The following OR14A2 variants were observed in gnomAD, a reference collection of about 807,000 sequenced individuals.
OR14A2 encodes the protein olfactory receptor 14A2.
For missense variants in OR14A2, 237 were observed against 152.9 expected (o/e 1.55, Z -2.90); for synonymous variants, 114 against 58.6 (o/e 1.95, Z -4.32).
the OR14A2 span, among the ~76,000 whole-genome samples, chr1:247,739,822 G>A: frequency 6.6e-6 from 1 of 151,882 alleles, no homozygotes; most frequent in Non-Finnish European, 1.5e-5. Context: ...CAATTATCAT[G>A]TCTCGGCTTC....
At chr1:247,743,991 G>A in the OR14A2 span, among the ~76,000 whole-genome samples, 1 of 151,832 alleles carries the variant, frequency 6.6e-6, no homozygotes, top group Non-Finnish European at 1.5e-5. Flanking sequence ...TTTTGCACCC[G>A]GGGTAAAGTA....
At chr1:247,735,484 T>C in the OR14A2 span, among the ~76,000 whole-genome samples, 23 of 152,162 alleles carry the variant, frequency 1.5e-4, no homozygotes, top group Admixed American at 1.5e-3. Context: ...TCTGACTCAC[T>C]GGAGGAAAAG....
At chr1:247,727,186 G>C (rs577028127), upstream of OR14A2, among the ~76,000 whole-genome samples, 19 of 148,502 alleles carry the variant, frequency 1.3e-4, no homozygotes, top group Admixed American at 4.0e-4. Context: ...TCTTCCATTT[G>C]TTTGTATCCT....
chr1:247,745,955 T>C, the OR14A2 span, among the ~76,000 whole-genome samples: 9 of 152,196 alleles, frequency 5.9e-5, no homozygotes, highest in African/African-American at 1.9e-4. Flanking sequence ...TGGTCGTTAA[T>C]TGGGTTCTAC....
At chr1:247,729,022 T>C (rs1040177938), upstream of OR14A2, among the ~76,000 whole-genome samples, 1 of 152,118 alleles carries the variant, frequency 6.6e-6, no homozygotes, top group Non-Finnish European at 1.5e-5. Context: ...CATGGAAGGA[T>C]GCATACTACC....
the OR14A2 span, among the ~76,000 whole-genome samples, chr1:247,736,148 G>GCCTTTGTTATGAATGTTGCTTCTGTT: frequency 1.4e-5 from 2 of 141,370 alleles, no homozygotes; most frequent in African/African-American, 5.4e-5. Context: ...ACTCCATATA[G>GCCTTTGTTATGAATGTTGCTTCTGTT]GCCTCCCCTC....
the OR14A2 span, chr1:247,739,533 AG>A: frequency 1.4e-5 from 11 of 779,746 alleles, no homozygotes; most frequent in Non-Finnish European, 1.9e-5. Flanking sequence ...GTGGAATGTT[AG>A]AAGCAGTGGG....
the OR14A2 span, among the ~76,000 whole-genome samples, chr1:247,741,246 T>C: frequency 2.0e-5 from 3 of 152,338 alleles, no homozygotes; most frequent in Non-Finnish European, 4.4e-5. Context: ...TTTTTAAAAT[T>C]TGTTTAACAC....
the OR14A2 span, among the ~76,000 whole-genome samples, chr1:247,741,838 T>G: frequency 2.6e-5 from 4 of 152,182 alleles, no homozygotes; most frequent in Admixed American, 2.0e-4. Context: ...CTTCTCTCCT[T>G]ACTTTACGAA....
Position 247,723,297 on chromosome 1 carries a change from A to AAACAAAAT in OR14A2, c.746_747insATTTTGTT (p.Phe249LeufsTer6). On this transcript the variant is annotated frameshift_variant, in exon 1 of 1. Transcript: ENST00000366485. LOFTEE classifies it low-confidence loss of function (END_TRUNC). ...GATAAACAAAATAAGCAGTTATGAT[A>AAACAAAAT]AAAACAGTGAAAACAGTGAGATGGG... is the stretch of plus-strand genomic sequence containing the variant. The AAACAAAAT allele has an allele frequency of 1.4e-6, 1 of 717,544 alleles. No individual in the cohort carries two copies. Among genetic ancestry groups the AAACAAAAT allele is most frequent in the Middle Eastern group, 2.3e-4 (1 of 4,370 alleles). The allele number at this position is 717,544 out of a possible 1,614,324, so 44.4% of individuals were successfully genotyped here. A position where few individuals can be genotyped will look rare whatever the true frequency, so the allele number is the denominator to read the frequency against.
At chr1:247,741,703 C>A in the OR14A2 span, among the ~76,000 whole-genome samples, 1 of 152,244 alleles carries the variant, frequency 6.6e-6, no homozygotes, top group South Asian at 2.1e-4. Flanking sequence ...GTTTTACATT[C>A]AAACCAAAGA....
At chr1:247,738,906 C>A in the OR14A2 span, 1 of 780,698 alleles carries the variant, frequency 1.3e-6, no homozygotes, top group Admixed American at 1.7e-5. Context: ...GTGTGTGTTG[C>A]AGCTCTTCTT....
At chr1:247,724,976 G>A (rs1357123893), upstream of OR14A2, among the ~76,000 whole-genome samples, 1 of 151,794 alleles carries the variant, frequency 6.6e-6, no homozygotes, top group Non-Finnish European at 1.5e-5. Flanking sequence ...TCAAAAAAAT[G>A]TTCCATATAT....
At chr1:247,738,859 A>C in the OR14A2 span, 2 of 776,958 alleles carry the variant, frequency 2.6e-6, no homozygotes, top group South Asian at 2.7e-5. Flanking sequence ...TCCATCCTCA[A>C]CTCTGTCGCC....
chr1:247,739,001 C>T, the OR14A2 span: 3 of 780,706 alleles, frequency 3.8e-6, no homozygotes, highest in African/African-American at 1.7e-5. Context: ...GCCCCCTACA[C>T]TGTGAGGCTG....
upstream of OR14A2, among the ~76,000 whole-genome samples, chr1:247,728,544 A>G (rs1660442181): frequency 6.6e-6 from 1 of 152,042 alleles, no homozygotes; most frequent in South Asian, 2.1e-4. Context: ...CACCACTCCT[A>G]TTCAACATAG....
chr1:247,745,077 C>T, the OR14A2 span, among the ~76,000 whole-genome samples: 11 of 152,024 alleles, frequency 7.2e-5, no homozygotes, highest in East Asian at 1.4e-3. Context: ...CGTTTCTTGG[C>T]CTGAAAATTA....
the OR14A2 span, among the ~76,000 whole-genome samples, chr1:247,738,387 C>A: frequency 6.6e-6 from 1 of 152,120 alleles, no homozygotes; most frequent in African/African-American, 2.4e-5. Context: ...TTGCTTCTTT[C>A]ACAATAAATC....
At chr1:247,728,713 C>G (rs1660447677), upstream of OR14A2, among the ~76,000 whole-genome samples, 1 of 152,092 alleles carries the variant, frequency 6.6e-6, no homozygotes, top group Non-Finnish European at 1.5e-5. Context: ...ACAGAGAGTA[C>G]TTTAACATTT....
Sources: gnomAD v4.1 joint callset for allele counts (sites outside exome capture counted in the v4.1 genomes callset) on GRCh38, gnomAD v4.1.1 for gene constraint, MANE v1.5 for transcripts, NCBI Gene and HGNC (gene_info 2026-07-23, HGNC 2026-07-21) for gene names.